The following PEX5L variants were observed in gnomAD, a reference collection of about 807,000 sequenced individuals.
The protein encoded by PEX5L is PEX5-related protein.
A neutral mutation model predicts 84.0 loss-of-function variants in PEX5L; 30 were observed. The ratio of observed to expected loss-of-function variants is 0.36; its 90% confidence interval spans 0.27 to 0.48. PEX5L has a LOEUF of 0.48. PEX5L is among the 20% of genes least tolerant of loss of function. The pLI, the probability that PEX5L is intolerant of heterozygous loss-of-function variation, is 0.99. For missense variants in PEX5L, 533 were observed against 754.6 expected (o/e 0.71, Z 3.44); for synonymous variants, 270 against 283.1 (o/e 0.95, Z 0.46).
At chr3:179,822,587 A>T (rs1728910371) in intron 8 of PEX5L, among the ~76,000 whole-genome samples, 1 of 152,216 alleles carries the variant, frequency 6.6e-6, no homozygotes, top group Non-Finnish European at 1.5e-5. Context: ...ACGTAGCTAC[A>T]ATTAACGCTG....
At chr3:180,001,170 C>G (rs1009756348) in intron 1 of PEX5L, among the ~76,000 whole-genome samples, 1 of 152,092 alleles carries the variant, frequency 6.6e-6, no homozygotes, top group African/African-American at 2.4e-5. Flanking sequence ...ATCTTTCTCC[C>G]GTGCTGGATG....
At position 179,946,930 on chromosome 3, in the gene PEX5L, T is replaced by C. The variant is rs910806259; in HGVS notation, c.93+24664A>G. Reference sequence around the variant, plus strand: ...GCATTGACAAAAAGAGAAGAATCAATGAGCAATATTTGATGTATATTATTA... The same window carrying C: ...GCATTGACAAAAAGAGAAGAATCAACGAGCAATATTTGATGTATATTATTA... On this transcript the variant is annotated intron_variant, in intron 2 of 14. Coordinates refer to ENST00000467460, the MANE Select transcript of PEX5L (RefSeq NM_016559.3). 3.9e-5 allele frequency among the ~76,000 whole-genome samples: 6 copies of C among 152,358 alleles called. No homozygotes were observed. The South Asian group carries it at 1.2e-3, about 32-fold the overall frequency.
chr3:179,815,751 C>T, intron 10 of PEX5L, 110 bp downstream of exon 10: 3 of 1,216,172 alleles, frequency 2.5e-6, no homozygotes, highest in South Asian at 2.8e-5. Flanking sequence ...AGGTTAACTC[C>T]TCTGGGAACC....
intron 3 of PEX5L, among the ~76,000 whole-genome samples, chr3:179,894,501 A>AC (rs1758586078): frequency 6.6e-6 from 1 of 152,136 alleles, no homozygotes; most frequent in Non-Finnish European, 1.5e-5. Flanking sequence ...GGATAGCTAG[A>AC]CTTTTGTAAA....
intron 1 of PEX5L, among the ~76,000 whole-genome samples, chr3:180,006,637 T>C (rs1788922347): frequency 6.6e-6 from 1 of 152,212 alleles, no homozygotes; most frequent in Admixed American, 6.5e-5. Flanking sequence ...AGAGGTTTAA[T>C]TGGACCTACA....
At position 179,795,857 on chromosome 3, in the gene PEX5L, A is replaced by T. The variant is rs1247530184; in HGVS notation, c.*5971T>A. ...TAAATGTTTGTTACAGTTTGTAAAA[A>T]GTTTAATAAATTAATCAGTTTTTTT... On this transcript the variant is annotated 3_prime_UTR_variant, in exon 15 of 15. Transcript: ENST00000467460. 1 of 152,218 alleles carries T rather than the reference A, an allele frequency of 6.6e-6. No homozygotes were observed. The highest frequency in any genetic ancestry group is 2.4e-5 in the African/African-American group (1 of 41,454). The allele number at this position is 152,218 out of a possible 1,614,324, so 9.4% of individuals were successfully genotyped here.
intron 7 of PEX5L, among the ~76,000 whole-genome samples, chr3:179,866,901 C>G (rs908294823): frequency 6.6e-6 from 1 of 151,020 alleles, no homozygotes; most frequent in Non-Finnish European, 1.5e-5. Flanking sequence ...TGGCTGGTGT[C>G]TGTAATTCCA....
chr3:179,858,955 T>A, intron 8 of PEX5L, 107 bp downstream of exon 8: 1 of 691,198 alleles, frequency 1.4e-6, no homozygotes. Flanking sequence ...GGCTATTTCA[T>A]GTCTATAATG....
chr3:179,800,839 A>G lies in PEX5L; in HGVS notation c.*989T>C, dbSNP rs559247812. ...GAATATTGGTGTGCAGGGCAAAGCC[A>G]GTAAAGTATGACACTTAAGCAAGTT... On this transcript the variant is annotated 3_prime_UTR_variant, in exon 15 of 15. Coordinates refer to ENST00000467460, the MANE Select transcript of PEX5L (RefSeq NM_016559.3). The G allele has an allele frequency of 1.1e-4, 17 of 152,250 alleles. No individual in the cohort carries two copies. The highest frequency in any genetic ancestry group is 3.9e-4 in the African/African-American group (16 of 41,478). 9.4% of individuals were successfully genotyped at this position (152,250 alleles called of 1,614,324 possible).
At position 179,801,925 on chromosome 3, in the gene PEX5L, C is replaced by T. The variant is rs1422031757; in HGVS notation, c.1784G>A (p.Arg595Lys). Residue 595 changes from arginine to lysine, a missense_variant, in exon 15 of 15, where the codon AGA becomes AAA. Physicochemically the swap from Arg to Lys is conservative, Grantham distance 26 (BLOSUM62 2). Coordinates refer to ENST00000467460, the MANE Select transcript of PEX5L (RefSeq NM_016559.3). ...TTGGTCCATCAGAGAGAGCGCAATT[C>T]TGAGGGCAGCCCAGATATTCCCAGA... ...AISGNIWAAL[R>K]IALSLMDQPE... 2.5e-6 allele frequency: 4 copies of T among 1,613,846 alleles called. No individual in the cohort carries two copies. Among genetic ancestry groups the T allele is most frequent in the Non-Finnish European group, 3.4e-6 (4 of 1,179,898 alleles).
intron 2 of PEX5L, among the ~76,000 whole-genome samples, chr3:179,928,593 A>G (rs796789682): frequency 1.2e-4 from 19 of 152,304 alleles, no homozygotes; most frequent in African/African-American, 4.6e-4. Context: ...CAACTCTCCA[A>G]CTGATTCTGG....
intron 5 of PEX5L, among the ~76,000 whole-genome samples, chr3:179,878,664 A>G (rs76071472): frequency 0.031 from 4,700 of 152,176 alleles, 240 homozygotes; most frequent in African/African-American, 0.11. Context: ...CTCCTGATCT[A>G]TCTTGAATCT....
chr3:179,947,347 T>A (rs982399304), intron 2 of PEX5L, among the ~76,000 whole-genome samples: 3 of 152,132 alleles, frequency 2.0e-5, no homozygotes, highest in Non-Finnish European at 2.9e-5. Context: ...TAATTATCGT[T>A]ACCATTAATT....
chr3:179,823,381 T>C (rs764571428), intron 8 of PEX5L, among the ~76,000 whole-genome samples: 5 of 152,134 alleles, frequency 3.3e-5, no homozygotes, highest in Non-Finnish European at 7.4e-5. Context: ...AGTTCTTGAG[T>C]TATAATGTTT....
chr3:179,865,966 T>C (rs1747975905), intron 7 of PEX5L, among the ~76,000 whole-genome samples: 1 of 152,172 alleles, frequency 6.6e-6, no homozygotes, highest in South Asian at 2.1e-4. Flanking sequence ...TGCATGATTT[T>C]GAAAAATGCT....
At chr3:179,938,895 C>A (rs1775327545) in intron 2 of PEX5L, among the ~76,000 whole-genome samples, 1 of 152,200 alleles carries the variant, frequency 6.6e-6, no homozygotes, top group Non-Finnish European at 1.5e-5. Flanking sequence ...TAAATCTCTT[C>A]TGGAGTTCAG....
intron 1 of PEX5L, among the ~76,000 whole-genome samples, chr3:180,022,198 T>C (rs755283201): frequency 2.5e-4 from 38 of 152,338 alleles, no homozygotes; most frequent in Non-Finnish European, 5.3e-4. Flanking sequence ...ATGTTACTTC[T>C]TAGTCCTTCC....
chr3:179,828,667 G>T (rs1731463909), intron 8 of PEX5L, among the ~76,000 whole-genome samples: 1 of 151,610 alleles, frequency 6.6e-6, no homozygotes, highest in Non-Finnish European at 1.5e-5. Flanking sequence ...ATGTGTATGT[G>T]TGTGTGTGTG....
intron 2 of PEX5L, among the ~76,000 whole-genome samples, chr3:179,905,618 C>A (rs1380822097): frequency 6.6e-6 from 1 of 151,984 alleles, no homozygotes; most frequent in African/African-American, 2.4e-5. Flanking sequence ...CTTTAAAAAC[C>A]AGAGTCACTG....
Sources: allele counts gnomAD v4.1 joint callset (sites outside exome capture counted in the v4.1 genomes callset), GRCh38; gene constraint gnomAD v4.1.1; transcripts MANE v1.5; gene names NCBI Gene and HGNC (gene_info 2026-07-23, HGNC 2026-07-21).